Variants in HPSE2 observed in about 807,000 individuals in gnomAD.
The protein encoded by HPSE2 is inactive heparanase-2.
Under a neutral mutation model 60.5 loss-of-function variants are expected in HPSE2, and 38 were observed. The ratio of observed to expected loss-of-function variants is 0.63; its 90% CI spans 0.48 to 0.82. The LOEUF is 0.82. HPSE2 is among the 40% of genes least tolerant of loss of function. HPSE2 has a pLI of 0.00. For synonymous variants in HPSE2, 295 were observed against 293.2 expected, an observed-to-expected ratio of 1.01 and a Z score of -0.06; for missense variants, 713 against 740.4, an observed-to-expected ratio of 0.96 and a Z score of 0.43.
chr10:98,879,782 C>G (rs974499956), intron 3 of HPSE2, among the ~76,000 whole-genome samples: 1 of 151,480 alleles, frequency 6.6e-6, no homozygotes, highest in Non-Finnish European at 1.5e-5. Flanking sequence ...GTTGGTGGAC[C>G]TCAAGAAAAC....
chr10:98,833,679 C>T (rs185976251), intron 3 of HPSE2, among the ~76,000 whole-genome samples: 2 of 152,250 alleles, frequency 1.3e-5, no homozygotes, highest in Admixed American at 6.5e-5. Context: ...CTGCTATGTT[C>T]GTCACATCAC....
intron 2 of HPSE2, among the ~76,000 whole-genome samples, chr10:99,219,496 T>A (rs900873359): frequency 6.6e-6 from 1 of 152,158 alleles, no homozygotes; most frequent in African/African-American, 2.4e-5. Context: ...TGTTTCAGAT[T>A]GGCCCAACCA....
intron 3 of HPSE2, among the ~76,000 whole-genome samples, chr10:98,790,696 A>G (rs1042726803): frequency 1.1e-4 from 17 of 152,230 alleles, no homozygotes; most frequent in Admixed American, 9.8e-4. Context: ...TTTACTGAAT[A>G]TTTCTACAAT....
intron 7 of HPSE2, among the ~76,000 whole-genome samples, chr10:98,622,827 C>T (rs951817533): frequency 6.6e-6 from 1 of 152,062 alleles, no homozygotes; most frequent in African/African-American, 2.4e-5. Context: ...GTCCTCTCAC[C>T]CCTTTCAATA....
At chr10:99,004,778 C>A (rs1956855089) in intron 3 of HPSE2, among the ~76,000 whole-genome samples, 1 of 152,028 alleles carries the variant, frequency 6.6e-6, no homozygotes, top group African/African-American at 2.4e-5. Context: ...AATTAGTGTG[C>A]TTTCCTTTCA....
chr10:99,267,789 A>C, the HPSE2 span, among the ~76,000 whole-genome samples: 1 of 151,126 alleles, frequency 6.6e-6, no homozygotes, highest in Non-Finnish European at 1.5e-5. Flanking sequence ...AAAAAAAAAA[A>C]CAAAAAACAA....
At chr10:98,607,820 A>G (rs574679300) in intron 9 of HPSE2, among the ~76,000 whole-genome samples, 1 of 152,328 alleles carries the variant, frequency 6.6e-6, no homozygotes, top group African/African-American at 2.4e-5. Flanking sequence ...TATATTAGGT[A>G]TCAAATGCAT....
At chr10:98,486,512 T>C (rs1941446179) in intron 10 of HPSE2, among the ~76,000 whole-genome samples, 1 of 152,116 alleles carries the variant, frequency 6.6e-6, no homozygotes, top group Non-Finnish European at 1.5e-5. Context: ...CTGCCTGAGA[T>C]TTCTCTGTGT....
chr10:98,658,432 A>C (rs923849094), intron 6 of HPSE2, among the ~76,000 whole-genome samples: 6 of 152,246 alleles, frequency 3.9e-5, no homozygotes, highest in African/African-American at 1.4e-4. Flanking sequence ...GACATAAAGC[A>C]TGTTGTTAGG....
chr10:98,882,555 C>G (rs1480350920), intron 3 of HPSE2, among the ~76,000 whole-genome samples: 1 of 151,928 alleles, frequency 6.6e-6, no homozygotes, highest in Non-Finnish European at 1.5e-5. Flanking sequence ...TATAGAAGAT[C>G]ATTAGAGTGT....
chr10:98,599,014 T>A (rs929376291), intron 9 of HPSE2, among the ~76,000 whole-genome samples: 3 of 151,596 alleles, frequency 2.0e-5, no homozygotes, highest in Non-Finnish European at 4.4e-5. Flanking sequence ...GGAACCTGGG[T>A]CCACAGAGGT....
rs569080590 is a variant in HPSE2 at position 98,995,533 on chromosome 10, C to T, written c.610+148705G>A. 1.6e-3 allele frequency among the ~76,000 whole-genome samples: 249 copies of T among 152,244 alleles called. 1 individual carries two copies. Among genetic ancestry groups the T allele is most frequent in the Non-Finnish European group, 2.2e-3 (152 of 68,012 alleles). ...AAAAGTCACCATTTATTCTCCTCTC[C>T]GGATAAATTTTTAAAATATTAAACC... is the stretch of plus-strand genomic sequence containing the variant. On this transcript the variant is annotated intron_variant, in intron 3 of 11. Coordinates refer to ENST00000370552, the MANE Select transcript of HPSE2 (RefSeq NM_021828.5).
At chr10:98,903,704 A>G (rs567078015) in intron 3 of HPSE2, among the ~76,000 whole-genome samples, 1 of 152,132 alleles carries the variant, frequency 6.6e-6, no homozygotes, top group African/African-American at 2.4e-5. Context: ...CACTTTATCA[A>G]ATTTATACTG....
At chr10:98,608,174 C>T (rs1248742542) in intron 9 of HPSE2, among the ~76,000 whole-genome samples, 1 of 152,128 alleles carries the variant, frequency 6.6e-6, no homozygotes, top group Admixed American at 6.5e-5. Flanking sequence ...AGTCAGATTC[C>T]AAAGCCAATA....
chr10:99,291,418 T>C, the HPSE2 span, among the ~76,000 whole-genome samples: 2 of 152,136 alleles, frequency 1.3e-5, no homozygotes, highest in Non-Finnish European at 2.9e-5. Flanking sequence ...ACCCCATCTC[T>C]ACTAAAAATA....
chr10:99,288,748 C>CAAAAAAA, the HPSE2 span, among the ~76,000 whole-genome samples: 299 of 75,080 alleles, frequency 4.0e-3, no homozygotes, highest in East Asian at 4.6e-3. Flanking sequence ...CAGCCTCAAG[C>CAAAAAAA]AAAAAAAAAA....
chr10:98,776,620 A>G (rs1481392875), intron 3 of HPSE2, among the ~76,000 whole-genome samples: 1 of 152,200 alleles, frequency 6.6e-6, no homozygotes, highest in African/African-American at 2.4e-5. Flanking sequence ...AAAAATGTCA[A>G]TGTCACACAA....
chr10:98,682,539 C>T lies in HPSE2; in HGVS notation c.1004+11361G>A, dbSNP rs183200177. ...CACAATACAGAGTATTGGTTGCTTA[C>T]CCTCATGATCAGGTGGCTGACTGGC... On this transcript the variant is annotated intron_variant, in intron 6 of 11. Transcript: ENST00000370552. Among the ~76,000 whole-genome samples the T allele has an allele frequency of 1.4e-4, 21 of 152,210 alleles. No individual in the cohort carries two copies. In the East Asian group the frequency reaches 3.7e-3, roughly 27 times the overall value.
At chr10:98,716,419 T>C (rs925703936) in intron 5 of HPSE2, among the ~76,000 whole-genome samples, 15 of 147,752 alleles carry the variant, frequency 1.0e-4, no homozygotes, top group Admixed American at 2.8e-4. Context: ...ACAGGTACCC[T>C]AAAACTTAAA....
Sources: gnomAD v4.1 joint callset for allele counts (sites outside exome capture counted in the v4.1 genomes callset) on GRCh38, gnomAD v4.1.1 for gene constraint, MANE v1.5 for transcripts, NCBI Gene and HGNC (gene_info 2026-07-23, HGNC 2026-07-21) for gene names.